Variants in CTNNA2 observed in about 807,000 individuals in gnomAD.
CTNNA2 encodes the protein catenin alpha 2.
In CTNNA2, 42 loss-of-function variants were observed where a neutral mutation model predicts 101.0. The observed-to-expected ratio is 0.42, with a 90% confidence interval of 0.32 to 0.54. CTNNA2 has a LOEUF of 0.54. CTNNA2 is among the 20% of genes least tolerant of loss of function. CTNNA2 has a pLI of 0.14. For missense variants in CTNNA2, 871 were observed against 1,223.1 expected (o/e 0.71, Z 4.29); for synonymous variants, 450 against 456.4 (o/e 0.99, Z 0.18).
chr2:79,708,527 T>C (rs1290066060), intron 2 of CTNNA2, among the ~76,000 whole-genome samples: 2 of 152,146 alleles, frequency 1.3e-5, no homozygotes. Flanking sequence ...TAAATAAACA[T>C]TCAAAATGGT....
chr2:80,261,454 G>A (rs1039907132), intron 7 of CTNNA2, among the ~76,000 whole-genome samples: 1 of 151,972 alleles, frequency 6.6e-6, no homozygotes, highest in Non-Finnish European at 1.5e-5. Context: ...GTGCTCTCAA[G>A]CACTGCGTAA....
chr2:79,269,731 A>T (rs1675037545), intron 2 of CTNNA2, among the ~76,000 whole-genome samples: 1 of 152,150 alleles, frequency 6.6e-6, no homozygotes, highest in Admixed American at 6.5e-5. Flanking sequence ...CACAGAGGGC[A>T]TAACACATGA....
intron 7 of CTNNA2, among the ~76,000 whole-genome samples, chr2:80,323,698 A>G (rs935408333): frequency 2.0e-5 from 3 of 148,720 alleles, no homozygotes; most frequent in South Asian, 2.2e-4. Flanking sequence ...TTCTTTTTCT[A>G]TTAGTGAATC....
chr2:79,263,614 A>G (rs1674950806), intron 2 of CTNNA2, among the ~76,000 whole-genome samples: 1 of 152,188 alleles, frequency 6.6e-6, no homozygotes, highest in Non-Finnish European at 1.5e-5. Context: ...GCTAATATGT[A>G]AGAAATTTAA....
At chr2:80,540,627 C>T (rs577098357) in intron 9 of CTNNA2, among the ~76,000 whole-genome samples, 63 of 151,966 alleles carry the variant, frequency 4.1e-4, no homozygotes, top group Non-Finnish European at 6.8e-4. Flanking sequence ...TTTGAGATAC[C>T]TACTGTGTAT....
At chr2:79,648,597 C>G (rs1400115651) in intron 1 of CTNNA2, among the ~76,000 whole-genome samples, 1 of 152,094 alleles carries the variant, frequency 6.6e-6, no homozygotes, top group Non-Finnish European at 1.5e-5. Context: ...TGAGGTATCA[C>G]AGGCAGGGGA....
chr2:80,606,112 G>C (rs1477365553), intron 16 of CTNNA2, among the ~76,000 whole-genome samples: 3 of 151,766 alleles, frequency 2.0e-5, no homozygotes, highest in Non-Finnish European at 2.9e-5. Context: ...GGGACGTGTA[G>C]AGTGACCAGA....
intron 13 of CTNNA2, among the ~76,000 whole-genome samples, chr2:80,580,108 G>A (rs1048210772): frequency 2.6e-5 from 4 of 152,180 alleles, no homozygotes; most frequent in Admixed American, 2.6e-4. Context: ...AAGCTATAAC[G>A]TCTCATGCCT....
chr2:79,201,821 A>G (rs1674039137), intron 2 of CTNNA2, among the ~76,000 whole-genome samples: 1 of 152,154 alleles, frequency 6.6e-6, no homozygotes. Context: ...CAGTCAATTT[A>G]TAGTGTTTAT....
intron 2 of CTNNA2, among the ~76,000 whole-genome samples, chr2:79,235,352 T>C (rs543006180): frequency 4.6e-5 from 7 of 152,126 alleles, no homozygotes; most frequent in African/African-American, 1.7e-4. Flanking sequence ...TAACGTTAGC[T>C]GGCAGATAGG....
At chr2:79,779,760 T>C (rs1439516398) in intron 3 of CTNNA2, among the ~76,000 whole-genome samples, 1 of 152,102 alleles carries the variant, frequency 6.6e-6, no homozygotes, top group Non-Finnish European at 1.5e-5. Context: ...AGGATGAGCT[T>C]GAAAGTTCAC....
At chr2:79,216,012 G>C (rs1170227356) in intron 2 of CTNNA2, among the ~76,000 whole-genome samples, 1 of 152,098 alleles carries the variant, frequency 6.6e-6, no homozygotes, top group Non-Finnish European at 1.5e-5. Context: ...GAGTTGCATT[G>C]GGAACAGAGA....
At chr2:80,029,924 C>T (rs533994785) in intron 7 of CTNNA2, among the ~76,000 whole-genome samples, 5 of 152,164 alleles carry the variant, frequency 3.3e-5, no homozygotes, top group East Asian at 1.9e-4. Context: ...ATAATGCTTC[C>T]ATGATGCAAG....
chr2:79,556,294 C>G lies in CTNNA2; in HGVS notation c.-6+43087C>G, dbSNP rs556709292. On this transcript the variant is annotated intron_variant, in intron 1 of 18. Coordinates refer to ENST00000402739, the MANE Select transcript of CTNNA2 (RefSeq NM_001282597.3). Reference sequence around the variant, plus strand: ...AACTGGGAAGGGTTAGGAGTGAGCCCTTAGTTGAGGATCAGAGGATTTCCT... The same window carrying G: ...AACTGGGAAGGGTTAGGAGTGAGCCGTTAGTTGAGGATCAGAGGATTTCCT... Among the ~76,000 whole-genome samples the G allele has an allele frequency of 1.8e-4, 28 of 152,068 alleles. 1 individual carries two copies. The South Asian group carries it at 4.1e-3, about 22-fold the overall frequency.
chr2:80,263,884 G>A (rs967160452), intron 7 of CTNNA2, among the ~76,000 whole-genome samples: 1 of 152,132 alleles, frequency 6.6e-6, no homozygotes, highest in African/African-American at 2.4e-5. Flanking sequence ...CCTGAATATT[G>A]TAACTTTATG....
At chr2:80,050,032 C>G (rs1031063724) in intron 7 of CTNNA2, among the ~76,000 whole-genome samples, 7 of 152,214 alleles carry the variant, frequency 4.6e-5, no homozygotes, top group African/African-American at 1.7e-4. Flanking sequence ...CCTCTTCCCA[C>G]CACCCCAACA....
chr2:79,247,743 G>C (rs145386592), intron 2 of CTNNA2, among the ~76,000 whole-genome samples: 6 of 152,156 alleles, frequency 3.9e-5, no homozygotes, highest in Admixed American at 2.0e-4. Flanking sequence ...GGGCCCAAAG[G>C]TGAAGTAAAT....
At chr2:80,589,860 C>G (rs987953058) in intron 15 of CTNNA2, among the ~76,000 whole-genome samples, 51 of 140,578 alleles carry the variant, frequency 3.6e-4, no homozygotes, top group African/African-American at 7.8e-4. Flanking sequence ...ATATGTACCT[C>G]TGTGTGTGTG....
chr2:79,188,431 C>G (rs1673810616), intron 1 of CTNNA2, among the ~76,000 whole-genome samples: 1 of 152,174 alleles, frequency 6.6e-6, no homozygotes, highest in Non-Finnish European at 1.5e-5. Context: ...ACCTGGGGCA[C>G]TTCATTTTTG....
Sources: gnomAD v4.1 joint callset for allele counts (sites outside exome capture counted in the v4.1 genomes callset) on GRCh38, gnomAD v4.1.1 for gene constraint, MANE v1.5 for transcripts, NCBI Gene and HGNC (gene_info 2026-07-23, HGNC 2026-07-21) for gene names.